The following PDGFC variants were observed in gnomAD, a reference collection of about 807,000 sequenced individuals.
PDGFC encodes the protein platelet derived growth factor C, also known as platelet-derived growth factor C.
Under a neutral mutation model 35.5 loss-of-function variants are expected in PDGFC, and 12 were observed. The ratio of observed to expected loss-of-function variants is 0.34; its 90% CI spans 0.22 to 0.55. The LOEUF is 0.55. PDGFC is among the 20% of genes least tolerant of loss of function. The pLI is 0.91. For synonymous variants in PDGFC, 159 were observed against 148.8 expected (o/e 1.07, Z -0.50); for missense variants, 322 against 412.4 (o/e 0.78, Z 1.90).
intron 1 of PDGFC, among the ~76,000 whole-genome samples, chr4:156,915,430 C>A (rs920851108): frequency 1.3e-5 from 2 of 151,888 alleles, no homozygotes; most frequent in African/African-American, 4.8e-5. Flanking sequence ...GGAAATGCAA[C>A]TAGCATTGGA....
intron 2 of PDGFC, among the ~76,000 whole-genome samples, chr4:156,827,368 G>T (rs189244365): frequency 6.6e-6 from 1 of 150,754 alleles, no homozygotes; most frequent in Admixed American, 6.6e-5. Flanking sequence ...AGTGAGGGGA[G>T]ATCACGCCAC....
intron 1 of PDGFC, among the ~76,000 whole-genome samples, chr4:156,940,560 C>T (rs1198402582): frequency 6.6e-6 from 1 of 152,038 alleles, no homozygotes; most frequent in Non-Finnish European, 1.5e-5. Flanking sequence ...CAGAGGCCCT[C>T]AAAGGAAGAG....
intron 1 of PDGFC, among the ~76,000 whole-genome samples, chr4:156,891,245 A>G (rs537439145): frequency 0.013 from 1,709 of 128,478 alleles, 39 homozygotes; most frequent in African/African-American, 0.046. Context: ...CCGCCACTGC[A>G]CTCCAGCCTG....
intron 5 of PDGFC, 120 bp from the exon 6 acceptor site, chr4:156,763,326 T>C (rs557163249): frequency 1.8e-6 from 1 of 557,368 alleles, no homozygotes; most frequent in Non-Finnish European, 3.3e-6. Context: ...ATATTTTAAT[T>C]TTTCCTAGAG....
At chr4:156,790,585 A>G (rs919709139) in intron 3 of PDGFC, among the ~76,000 whole-genome samples, 5 of 152,210 alleles carry the variant, frequency 3.3e-5, no homozygotes, top group Admixed American at 6.5e-5. Flanking sequence ...TTAACAACAC[A>G]AGACAATCTT....
rs1224092029 is a variant in PDGFC at position 156,942,729 on chromosome 4, T to TATGTATAATTATAATTATATTGTAACAAC, written c.118+28028_118+28056dup. On this transcript the variant is annotated intron_variant, in intron 1 of 5. Coordinates refer to ENST00000502773, the MANE Select transcript of PDGFC (RefSeq NM_016205.3). ...ATAATATTATTATATTGTAATTATATATGTATAATTATAATTATATTGTAA... is the reference window on the plus strand; with the variant it reads ...ATAATATTATTATATTGTAATTATATATGTATAATTATAATTATATTGTAACAACATGTATAATTATAATTATATTGTAA... Among the ~76,000 whole-genome samples the TATGTATAATTATAATTATATTGTAACAAC allele has an allele frequency of 4.5e-3, 675 of 148,514 alleles. 8 individuals carry two copies. Among genetic ancestry groups the TATGTATAATTATAATTATATTGTAACAAC allele is most frequent in the African/African-American group, 0.016 (641 of 40,890 alleles).
intron 2 of PDGFC, among the ~76,000 whole-genome samples, chr4:156,822,965 C>T (rs1401421095): frequency 6.6e-6 from 1 of 151,970 alleles, no homozygotes; most frequent in Non-Finnish European, 1.5e-5. Flanking sequence ...AACTCCTGAC[C>T]TCAGGTGATC....
At chr4:156,835,657 AT>A (rs1729045879) in intron 2 of PDGFC, among the ~76,000 whole-genome samples, 1 of 152,204 alleles carries the variant, frequency 6.6e-6, no homozygotes, top group African/African-American at 2.4e-5. Context: ...ATCCTATTAT[AT>A]TTTAAGCACA....
At chr4:156,876,862 A>G (rs1204650050) in intron 1 of PDGFC, 1 of 152,108 alleles carries the variant, frequency 6.6e-6, no homozygotes, top group African/African-American at 2.4e-5. Flanking sequence ...TCGTTAAGAC[A>G]CCATCAAAAC....
intron 3 of PDGFC, among the ~76,000 whole-genome samples, chr4:156,787,712 G>C (rs1355598092): frequency 2.0e-5 from 3 of 152,122 alleles, no homozygotes; most frequent in Non-Finnish European, 2.9e-5. Flanking sequence ...GAGTGGTCAA[G>C]AGATGAATGA....
At chr4:156,918,511 A>G (rs1731200886) in intron 1 of PDGFC, among the ~76,000 whole-genome samples, 1 of 152,204 alleles carries the variant, frequency 6.6e-6, no homozygotes, top group South Asian at 2.1e-4. Flanking sequence ...ACTGGGCCAC[A>G]CAGCAGGAGG....
intron 2 of PDGFC, among the ~76,000 whole-genome samples, chr4:156,832,328 C>T (rs146267777): frequency 0.06 from 8,851 of 148,526 alleles, 374 homozygotes; most frequent in Middle Eastern, 0.12. Flanking sequence ...ACGATCTCGG[C>T]TCACCACAAT....
At chr4:156,763,252 CT>C (rs1560801116) in intron 5 of PDGFC, 46 bp from the exon 6 acceptor site, 2 of 892,518 alleles carry the variant, frequency 2.2e-6, no homozygotes, top group Non-Finnish European at 1.9e-6. Flanking sequence ...CAACGAATGT[CT>C]ATGACTGGCT....
chr4:156,969,816 G>A (rs534679769), intron 1 of PDGFC, among the ~76,000 whole-genome samples: 2 of 152,270 alleles, frequency 1.3e-5, no homozygotes, highest in African/African-American at 2.4e-5. Context: ...TAAACAGGGC[G>A]TTAAATATTC....
intron 2 of PDGFC, chr4:156,841,240 G>C (rs1204345219): frequency 6.6e-6 from 1 of 152,190 alleles, no homozygotes; most frequent in Non-Finnish European, 1.5e-5. Flanking sequence ...TCATGGGAGT[G>C]ACCGGATGGG....
intron 2 of PDGFC, among the ~76,000 whole-genome samples, chr4:156,812,598 C>A (rs1731968570): frequency 6.6e-6 from 1 of 151,876 alleles, no homozygotes; most frequent in Non-Finnish European, 1.5e-5. Context: ...TAACATTAAA[C>A]ATATGAAAGA....
At chr4:156,884,207 C>T (rs1730322173) in intron 1 of PDGFC, among the ~76,000 whole-genome samples, 1 of 152,166 alleles carries the variant, frequency 6.6e-6, no homozygotes, top group Non-Finnish European at 1.5e-5. Flanking sequence ...CATTTCCTAT[C>T]TTCTTACCTG....
chr4:156,868,948 T>A (rs1729912145), intron 1 of PDGFC, among the ~76,000 whole-genome samples: 1 of 152,174 alleles, frequency 6.6e-6, no homozygotes, highest in Admixed American at 6.5e-5. Flanking sequence ...CATTCCAAAA[T>A]GTTCCAAACT....
intron 1 of PDGFC, among the ~76,000 whole-genome samples, chr4:156,938,978 T>A (rs2110900889): frequency 6.6e-6 from 1 of 152,114 alleles, no homozygotes; most frequent in African/African-American, 2.4e-5. Context: ...TCCCATCAAA[T>A]ATCATAATTC....
Sources: gnomAD v4.1 joint callset for allele counts (sites outside exome capture counted in the v4.1 genomes callset) on GRCh38, gnomAD v4.1.1 for gene constraint, MANE v1.5 for transcripts, NCBI Gene and HGNC (gene_info 2026-07-23, HGNC 2026-07-21) for gene names.